The following CGGBP1 variants were observed in gnomAD, a reference collection of about 807,000 sequenced individuals.
CGGBP1 encodes the protein CGG triplet repeat-binding protein 1.
In CGGBP1, 4 loss-of-function variants were observed where a neutral mutation model predicts 11.4. The observed-to-expected ratio is 0.35, with a 90% CI of 0.17 to 0.80. CGGBP1 has a LOEUF of 0.80. CGGBP1 is among the 30% of genes least tolerant of loss of function. CGGBP1 has a pLI of 0.52. For missense variants in CGGBP1, 135 were observed against 202.1 expected (o/e 0.67, Z 2.01); for synonymous variants, 76 against 74.1 (o/e 1.03, Z -0.13).
chr3:88,119,736 T>C (rs1483379981), intron 2 of CGGBP1, among the ~76,000 whole-genome samples: 9 of 152,066 alleles, frequency 5.9e-5, no homozygotes, highest in African/African-American at 2.2e-4. Context: ...TCAAGGCCTG[T>C]GTTAGGATGA....
intron 2 of CGGBP1, among the ~76,000 whole-genome samples, chr3:88,119,697 A>G (rs1312339888): frequency 1.3e-5 from 2 of 152,158 alleles, no homozygotes; most frequent in African/African-American, 4.8e-5. Context: ...CCTGTGCTCA[A>G]AAAATCTTGC....
intron 1 of CGGBP1, among the ~76,000 whole-genome samples, chr3:88,148,064 A>G (rs1168725532): frequency 2.6e-5 from 4 of 151,980 alleles, no homozygotes; most frequent in Non-Finnish European, 4.4e-5. Flanking sequence ...CAAAATCTCT[A>G]CTGTTGCTTC....
chr3:88,113,367 A>T (rs1705207373), intron 2 of CGGBP1, among the ~76,000 whole-genome samples: 1 of 152,140 alleles, frequency 6.6e-6, no homozygotes, highest in Admixed American at 6.6e-5. Context: ...CATACAATTA[A>T]TTTTTAACTG....
intron 2 of CGGBP1, among the ~76,000 whole-genome samples, chr3:88,071,103 A>T (rs765125147): frequency 4.6e-5 from 7 of 152,216 alleles, no homozygotes; most frequent in African/African-American, 7.2e-5. Flanking sequence ...TTATAAACTT[A>T]GAGTAGATAT....
At chr3:88,144,436 T>C (rs555565598) in intron 1 of CGGBP1, 1 of 152,546 alleles carries the variant, frequency 6.6e-6, no homozygotes, top group Admixed American at 6.5e-5. Context: ...GAGTAAATGC[T>C]GCATATGCAT....
At chr3:88,058,495 T>A (rs1373267118) in intron 1 of CGGBP1, among the ~76,000 whole-genome samples, 1 of 151,934 alleles carries the variant, frequency 6.6e-6, no homozygotes. Context: ...GTTCCCGGCG[T>A]CTGGGCTCTC....
At chr3:88,143,828 C>T (rs1394691892) in intron 1 of CGGBP1, 3 of 151,878 alleles carry the variant, frequency 2.0e-5, no homozygotes, top group Non-Finnish European at 3.0e-5. Flanking sequence ...GTCTTAACCT[C>T]GGTTTATATA....
intron 2 of CGGBP1, among the ~76,000 whole-genome samples, chr3:88,087,945 C>T (rs7648096): frequency 0.78 from 119,182 of 152,052 alleles, 47,621 homozygotes; most frequent in South Asian, 0.91. Flanking sequence ...TCAAAGGAAA[C>T]GCTCATTGGA....
At chr3:88,064,062 A>C (rs1375997604) in intron 2 of CGGBP1, among the ~76,000 whole-genome samples, 1 of 151,190 alleles carries the variant, frequency 6.6e-6, no homozygotes, top group Non-Finnish European at 1.5e-5. Flanking sequence ...TGATTCTGTC[A>C]GTATGGAAGA....
chr3:88,083,642 C>G (rs750592474), intron 2 of CGGBP1, among the ~76,000 whole-genome samples: 6 of 152,158 alleles, frequency 3.9e-5, no homozygotes, highest in Non-Finnish European at 8.8e-5. Context: ...TAAAAGATTG[C>G]TAGCCTTAAT....
At chr3:88,138,859 C>T in intron 2 of CGGBP1, 2 of 1,231,994 alleles carry the variant, frequency 1.6e-6, no homozygotes, top group Non-Finnish European at 1.0e-6. Context: ...TGTGCACTCT[C>T]AATATTTTTT....
chr3:88,145,623 C>CAT (rs1559743337), intron 1 of CGGBP1, among the ~76,000 whole-genome samples: 2 of 152,106 alleles, frequency 1.3e-5, no homozygotes, highest in Non-Finnish European at 2.9e-5. Flanking sequence ...ATTTTCATAG[C>CAT]ATAATATCTG....
chr3:88,110,085 A>G (rs2107754811), intron 2 of CGGBP1, among the ~76,000 whole-genome samples: 1 of 152,248 alleles, frequency 6.6e-6, no homozygotes, highest in South Asian at 2.1e-4. Context: ...GTTAATAAAT[A>G]ATGGTTGTAC....
intron 2 of CGGBP1, among the ~76,000 whole-genome samples, chr3:88,129,321 T>TAAAAAAAAAA (rs11370327): frequency 2.6e-5 from 2 of 76,930 alleles, no homozygotes; most frequent in African/African-American, 5.3e-5. Context: ...TTGCCAGGAG[T>TAAAAAAAAAA]AAAAAAAAAA....
At chr3:88,144,874 C>T (rs1421124461) in intron 1 of CGGBP1, among the ~76,000 whole-genome samples, 4 of 151,684 alleles carry the variant, frequency 2.6e-5, no homozygotes, top group Non-Finnish European at 5.9e-5. Context: ...GACATTTTAA[C>T]GAATGCCTAT....
chr3:88,067,012 C>T (rs1272432193), intron 2 of CGGBP1, among the ~76,000 whole-genome samples: 1 of 152,094 alleles, frequency 6.6e-6, no homozygotes, highest in Admixed American at 6.5e-5. Flanking sequence ...ATCCTAAAGT[C>T]TAGTACATTA....
At chr3:88,062,925 G>A (rs1215626873), upstream of CGGBP1, among the ~76,000 whole-genome samples, 1 of 152,174 alleles carries the variant, frequency 6.6e-6, no homozygotes, top group African/African-American at 2.4e-5. Context: ...TAATCTGTAG[G>A]TAGCTTATAA....
At chr3:88,096,268 T>C (rs1310311108) in intron 2 of CGGBP1, among the ~76,000 whole-genome samples, 1 of 152,014 alleles carries the variant, frequency 6.6e-6, no homozygotes, top group South Asian at 2.1e-4. Context: ...TGTGGCAAGT[T>C]GCTGTTAGCT....
upstream of CGGBP1, chr3:88,059,404 G>T (rs1177565363): frequency 6.5e-7 from 1 of 1,534,554 alleles, no homozygotes; most frequent in Non-Finnish European, 8.7e-7. Flanking sequence ...GGGCCCTGTG[G>T]GGCTTAGAGC....
Sources: allele counts gnomAD v4.1 joint callset (sites outside exome capture counted in the v4.1 genomes callset), GRCh38; gene constraint gnomAD v4.1.1; transcripts MANE v1.5; gene names NCBI Gene and HGNC (gene_info 2026-07-23, HGNC 2026-07-21).